Variants in ASAP1 observed in about 807,000 individuals in gnomAD.
The protein encoded by ASAP1 is arf-GAP with SH3 domain, ANK repeat and PH domain-containing protein 1.
Under a neutral mutation model 145.2 loss-of-function variants are expected in ASAP1, and 43 were observed. The ratio of observed to expected loss-of-function variants is 0.30; its 90% confidence interval spans 0.23 to 0.38. ASAP1 has a LOEUF of 0.38. ASAP1 is among the 10% of genes least tolerant of loss of function. The pLI, the probability that ASAP1 is intolerant of heterozygous loss-of-function variation, is 1.00. For synonymous variants in ASAP1, 546 were observed against 515.5 expected (o/e 1.06, Z -0.80); for missense variants, 1,018 against 1,355.3 (o/e 0.75, Z 3.91).
Position 130,057,976 on chromosome 8 carries a change from C to T in ASAP1, c.3293G>A (p.Gly1098Glu), listed in dbSNP as rs1422842165. 4 of 1,614,094 alleles carry T rather than the reference C, an allele frequency of 2.5e-6. No individual in the cohort carries two copies. Among genetic ancestry groups the T allele is most frequent in the Non-Finnish European group, 3.4e-6 (4 of 1,180,048 alleles). ...FIEGEVIIVT[G>E]EEDQEWWIGH... Reference sequence around the variant, plus strand: ...TACCCACCACTCCTGGTCCTCTTCCCCTGTGACGATAATCACTTCTCCCTC... The same window carrying T: ...TACCCACCACTCCTGGTCCTCTTCCTCTGTGACGATAATCACTTCTCCCTC... The change falls in exon 29 of 30, where the codon GGG becomes GAG. Residue 1098 changes from glycine (G) to glutamate (E), a missense_variant. By Grantham distance (98) the Gly-to-Glu change is moderately conservative. Coordinates refer to ENST00000518721, the MANE Select transcript of ASAP1 (RefSeq NM_018482.4).
intron 4 of ASAP1, among the ~76,000 whole-genome samples, chr8:130,216,208 T>G (rs921305554): frequency 6.6e-6 from 1 of 152,204 alleles, no homozygotes; most frequent in Non-Finnish European, 1.5e-5. Context: ...TTCATTTCCT[T>G]TAATTTTGTC....
intron 27 of ASAP1, among the ~76,000 whole-genome samples, chr8:130,070,279 T>C (rs1392887568): frequency 3.9e-5 from 6 of 152,138 alleles, no homozygotes; most frequent in African/African-American, 1.2e-4. Context: ...CCTCCTGATC[T>C]GCCCACCTTG....
intron 24 of ASAP1, among the ~76,000 whole-genome samples, chr8:130,101,397 T>C (rs2097528480): frequency 6.6e-6 from 1 of 152,224 alleles, no homozygotes; most frequent in Non-Finnish European, 1.5e-5. Context: ...ACTGCATTAA[T>C]TCTTCCAATC....
intron 9 of ASAP1, chr8:130,178,999 G>T (rs191375812): frequency 5.8e-4 from 180 of 308,928 alleles, no homozygotes; most frequent in Non-Finnish European, 8.5e-4. Context: ...GAGCTCCACA[G>T]GCGATCAAAT....
intron 5 of ASAP1, among the ~76,000 whole-genome samples, chr8:130,198,099 C>G (rs1468823022): frequency 6.6e-6 from 1 of 152,004 alleles, no homozygotes; most frequent in Non-Finnish European, 1.5e-5. Flanking sequence ...ACATAATACC[C>G]CTTAATCAAA....
chr8:130,381,590 G>T (rs757270642), intron 2 of ASAP1, among the ~76,000 whole-genome samples: 1 of 152,130 alleles, frequency 6.6e-6, no homozygotes, highest in African/African-American at 2.4e-5. Flanking sequence ...ACAGGATGAC[G>T]CCTGGCTTGG....
chr8:130,222,824 C>T (rs939222600), intron 4 of ASAP1, among the ~76,000 whole-genome samples: 1 of 152,180 alleles, frequency 6.6e-6, no homozygotes, highest in Non-Finnish European at 1.5e-5. Flanking sequence ...CAATGTCATA[C>T]AGCTAAGAAG....
chr8:130,182,544 A>G (rs1257268752), intron 7 of ASAP1, among the ~76,000 whole-genome samples: 1 of 152,200 alleles, frequency 6.6e-6, no homozygotes, highest in Non-Finnish European at 1.5e-5. Flanking sequence ...TCACATCCTA[A>G]AACTTGAAAC....
At chr8:130,201,594 C>T (rs1250208585) in intron 5 of ASAP1, among the ~76,000 whole-genome samples, 1 of 152,054 alleles carries the variant, frequency 6.6e-6, no homozygotes, top group African/African-American at 2.4e-5. Flanking sequence ...TTTCATTTGA[C>T]GATAATTATA....
intron 14 of ASAP1, among the ~76,000 whole-genome samples, chr8:130,136,011 C>G (rs2097593792): frequency 6.6e-6 from 1 of 152,170 alleles, no homozygotes; most frequent in Admixed American, 6.5e-5. Flanking sequence ...TTCTGTGCTT[C>G]TATACATAGA....
intron 1 of ASAP1, among the ~76,000 whole-genome samples, chr8:130,425,056 C>T (rs545823566): frequency 2.0e-5 from 3 of 151,848 alleles, no homozygotes; most frequent in African/African-American, 7.2e-5. Flanking sequence ...TCAGGCCGGG[C>T]GCAATGGCTT....
At chr8:130,206,777 T>C (rs766206860) in intron 5 of ASAP1, among the ~76,000 whole-genome samples, 25 of 152,240 alleles carry the variant, frequency 1.6e-4, no homozygotes, top group Non-Finnish European at 3.1e-4. Context: ...GGCATTTAAA[T>C]GGTTTTCCTC....
chr8:130,345,886 C>T (rs942570714), intron 3 of ASAP1, among the ~76,000 whole-genome samples: 13 of 152,228 alleles, frequency 8.5e-5, no homozygotes, highest in African/African-American at 1.4e-4. Flanking sequence ...AGGTTGCAGA[C>T]ACCAAAAGGA....
chr8:130,379,691 G>A (rs117974474), intron 2 of ASAP1, among the ~76,000 whole-genome samples: 3 of 152,288 alleles, frequency 2.0e-5, no homozygotes, highest in Non-Finnish European at 4.4e-5. Context: ...AGAAGACATT[G>A]CACCTGGAAA....
chr8:130,215,335 C>T (rs956576585), intron 4 of ASAP1, among the ~76,000 whole-genome samples: 10 of 152,218 alleles, frequency 6.6e-5, no homozygotes, highest in South Asian at 2.1e-4. Context: ...TGGTGGCTCA[C>T]GCCTGTAATC....
intron 3 of ASAP1, among the ~76,000 whole-genome samples, chr8:130,297,620 A>G (rs1822367352): frequency 6.6e-6 from 1 of 152,214 alleles, no homozygotes; most frequent in Non-Finnish European, 1.5e-5. Context: ...TAAAACCCCC[A>G]GAACCTCTCA....
rs749067155 is a variant in ASAP1, at chr8:130,127,890, A to C, written c.1381+37T>G. 8 of 1,606,828 alleles carry C rather than the reference A, an allele frequency of 5.0e-6. No individual in the cohort carries two copies. In the South Asian group the frequency reaches 8.9e-5, roughly 18 times the overall value. ...TTTATATTCTACAGGAAGAGAAAGG[A>C]TGTTGTAAAAGCTCGTTCAAATATG... is the stretch of plus-strand genomic sequence containing the variant. On this transcript the variant is annotated intron_variant, in intron 16 of 29. Transcript: ENST00000518721.
At chr8:130,274,974 C>T (rs889010179) in intron 3 of ASAP1, among the ~76,000 whole-genome samples, 1 of 152,218 alleles carries the variant, frequency 6.6e-6, no homozygotes, top group Non-Finnish European at 1.5e-5. Flanking sequence ...ACATAATAAG[C>T]ATAGACTCTT....
chr8:130,357,867 G>C (rs1312509776), intron 3 of ASAP1, 150 bp downstream of exon 3: 2 of 1,100,130 alleles, frequency 1.8e-6, no homozygotes, highest in Non-Finnish European at 2.5e-6. Context: ...GGCGCCGCCC[G>C]TCCGAAGTCC....
Sources: allele counts gnomAD v4.1 joint callset (sites outside exome capture counted in the v4.1 genomes callset), GRCh38; gene constraint gnomAD v4.1.1; transcripts MANE v1.5; gene names NCBI Gene and HGNC (gene_info 2026-07-23, HGNC 2026-07-21).